The following CPNE8 variants were observed in gnomAD, a reference collection of about 807,000 sequenced individuals.
CPNE8 encodes copine-8.
A neutral mutation model predicts 81.5 loss-of-function variants in CPNE8; 45 were observed. That is an observed-to-expected ratio of 0.55 (90% CI 0.44 to 0.71). The LOEUF (loss-of-function observed/expected upper bound fraction) is 0.71. CPNE8 is among the 30% of genes least tolerant of loss of function. The pLI, the probability that CPNE8 is intolerant of heterozygous loss-of-function variation, is 0.00. For synonymous variants in CPNE8, 252 were observed against 226.3 expected (o/e 1.11, Z -1.02); for missense variants, 594 against 672.1 (o/e 0.88, Z 1.28).
intron 6 of CPNE8, among the ~76,000 whole-genome samples, chr12:38,812,330 G>A (rs1942951702): frequency 6.6e-6 from 1 of 152,184 alleles, no homozygotes; most frequent in Non-Finnish European, 1.5e-5. Flanking sequence ...ACCTGAGACT[G>A]GGTAATTTAT....
intron 3 of CPNE8, among the ~76,000 whole-genome samples, chr12:38,850,331 G>A (rs1341101955): frequency 6.6e-6 from 1 of 152,108 alleles, no homozygotes; most frequent in African/African-American, 2.4e-5. Flanking sequence ...CACACTCAGA[G>A]AGAATTTTTT....
intron 10 of CPNE8, among the ~76,000 whole-genome samples, chr12:38,736,084 G>T (rs1225460584): frequency 2.0e-5 from 3 of 151,844 alleles, no homozygotes; most frequent in Non-Finnish European, 4.4e-5. Flanking sequence ...TTCAGCAGGA[G>T]AACTAGGCTA....
At chr12:38,799,645 G>T (rs956534999) in intron 6 of CPNE8, among the ~76,000 whole-genome samples, 2 of 152,146 alleles carry the variant, frequency 1.3e-5, no homozygotes, top group Non-Finnish European at 2.9e-5. Context: ...AACTAGAAAA[G>T]TGGAGGAGTC....
chr12:38,843,090 C>G (rs979082919), intron 4 of CPNE8, among the ~76,000 whole-genome samples: 1 of 152,134 alleles, frequency 6.6e-6, no homozygotes, highest in African/African-American at 2.4e-5. Flanking sequence ...GGTAGTTTCT[C>G]CTAAGAGGAT....
At chr12:38,684,005 CTTGGTAAG>C in intron 16 of CPNE8, among the ~76,000 whole-genome samples, 2 of 151,980 alleles carry the variant, frequency 1.3e-5, no homozygotes, top group South Asian at 2.1e-4. Context: ...TATGAAATTA[CTTGGTAAG>C]CATTGATGAA....
chr12:38,676,601 T>C (rs986993293), intron 17 of CPNE8, among the ~76,000 whole-genome samples: 1 of 152,214 alleles, frequency 6.6e-6, no homozygotes, highest in Non-Finnish European at 1.5e-5. Flanking sequence ...AGTACTGTTA[T>C]GCACTAAATA....
chr12:38,817,649 A>G (rs1344536790), intron 6 of CPNE8, among the ~76,000 whole-genome samples: 1 of 142,838 alleles, frequency 7.0e-6, no homozygotes, highest in Non-Finnish European at 1.5e-5. Flanking sequence ...TGAGAGACAA[A>G]GTCTCGCTCT....
At chr12:38,795,561 C>A (rs191297389) in intron 6 of CPNE8, among the ~76,000 whole-genome samples, 4 of 151,948 alleles carry the variant, frequency 2.6e-5, no homozygotes, top group Admixed American at 1.3e-4. Flanking sequence ...GGCAGAAATC[C>A]CATAACATAC....
chr12:38,883,363 T>C (rs1474192797), intron 1 of CPNE8, among the ~76,000 whole-genome samples: 1 of 152,220 alleles, frequency 6.6e-6, no homozygotes, highest in Non-Finnish European at 1.5e-5. Flanking sequence ...TTTAGCATCA[T>C]TTCAGAGACT....
At chr12:38,731,484 A>T (rs993867252) in intron 10 of CPNE8, among the ~76,000 whole-genome samples, 1 of 151,822 alleles carries the variant, frequency 6.6e-6, no homozygotes, top group African/African-American at 2.4e-5. Context: ...TTTTTGCAAT[A>T]AAAAAATGTT....
intron 6 of CPNE8, among the ~76,000 whole-genome samples, chr12:38,788,862 A>T (rs1029723785): frequency 6.6e-6 from 1 of 151,854 alleles, no homozygotes; most frequent in Non-Finnish European, 1.5e-5. Flanking sequence ...TACAGTAGCC[A>T]CAAAAAAAAT....
At chr12:38,735,064 G>C (rs944238954) in intron 10 of CPNE8, among the ~76,000 whole-genome samples, 4 of 152,018 alleles carry the variant, frequency 2.6e-5, no homozygotes, top group African/African-American at 9.7e-5. Flanking sequence ...CTCTAATTTG[G>C]ATGCTGAAGG....
chr12:38,849,820 C>G (rs1943618124), intron 3 of CPNE8, among the ~76,000 whole-genome samples: 1 of 152,128 alleles, frequency 6.6e-6, no homozygotes, highest in African/African-American at 2.4e-5. Context: ...TTACAGCCAC[C>G]AGTTATTGAG....
At chr12:38,711,452 CT>C (rs113377926) in intron 13 of CPNE8, among the ~76,000 whole-genome samples, 2,216 of 150,518 alleles carry the variant, frequency 0.015, 32 homozygotes, top group South Asian at 0.042. Flanking sequence ...TATCTCTAAG[CT>C]TTCCAAGTGT....
chr12:38,655,556 C>A (rs1029144040), intron 19 of CPNE8, among the ~76,000 whole-genome samples: 2 of 152,028 alleles, frequency 1.3e-5, no homozygotes, highest in African/African-American at 2.4e-5. Context: ...AAGAACAATC[C>A]TGTCTCATGC....
chr12:38,851,075 A>C (rs986050787), intron 3 of CPNE8, among the ~76,000 whole-genome samples: 4 of 152,236 alleles, frequency 2.6e-5, no homozygotes, highest in Non-Finnish European at 5.9e-5. Flanking sequence ...TGCCCTCACC[A>C]GATGCCAGCG....
chr12:38,817,749 G>C (rs992127147), intron 6 of CPNE8, among the ~76,000 whole-genome samples: 1 of 145,532 alleles, frequency 6.9e-6, no homozygotes, highest in Admixed American at 7.2e-5. Flanking sequence ...TCAGCCTCCC[G>C]AGTAGCTGGG....
chr12:38,787,434 T>A (rs559011797), intron 6 of CPNE8, among the ~76,000 whole-genome samples: 3 of 148,220 alleles, frequency 2.0e-5, no homozygotes, highest in Non-Finnish European at 4.5e-5. Flanking sequence ...ATCAAACCTA[T>A]GGGATACAGA....
At chr12:38,884,833 G>C (rs1481955119) in intron 1 of CPNE8, among the ~76,000 whole-genome samples, 2 of 151,836 alleles carry the variant, frequency 1.3e-5, no homozygotes, top group Non-Finnish European at 2.9e-5. Context: ...GTTGATAAAG[G>C]GTAAAGACAG....
Sources: gnomAD v4.1 joint callset for allele counts (sites outside exome capture counted in the v4.1 genomes callset) on GRCh38, gnomAD v4.1.1 for gene constraint, MANE v1.5 for transcripts, NCBI Gene and HGNC (gene_info 2026-07-23, HGNC 2026-07-21) for gene names.